Variants in EML4 observed in about 807,000 individuals in gnomAD.
EML4 encodes the protein echinoderm microtubule-associated protein-like 4.
EML4 carries 72 observed loss-of-function variants against 129.0 expected under a neutral mutation model. That is an observed-to-expected ratio of 0.56 (90% CI 0.46 to 0.68). The LOEUF (loss-of-function observed/expected upper bound fraction) is 0.68. Among genes scored for constraint, EML4 ranks in the 30% least tolerant of loss-of-function variants. EML4 has a pLI of 0.00. For synonymous variants in EML4, 532 were observed against 405.0 expected, an observed-to-expected ratio of 1.31 and a Z score of -3.77; for missense variants, 1,363 against 1,190.6, an observed-to-expected ratio of 1.14 and a Z score of -2.13.
At chr2:42,205,030 A>G (rs146647610) in intron 1 of EML4, among the ~76,000 whole-genome samples, 180 of 152,308 alleles carry the variant, frequency 1.2e-3, no homozygotes, top group Non-Finnish European at 1.4e-3. Flanking sequence ...ATTTTGTTCT[A>G]TAATCATCCA....
chr2:42,220,785 G>A (rs76916159), intron 1 of EML4, among the ~76,000 whole-genome samples: 6,073 of 152,268 alleles, frequency 0.04, 195 homozygotes, highest in Non-Finnish European at 0.061. Context: ...TTTCTGAAGA[G>A]TGCTACTCCA....
intron 1 of EML4, among the ~76,000 whole-genome samples, chr2:42,241,827 T>C (rs1428413550): frequency 6.7e-6 from 1 of 150,032 alleles, no homozygotes; most frequent in Non-Finnish European, 1.5e-5. Context: ...TAGTTTGAGC[T>C]ATTTCCTCCA....
At chr2:42,286,416 CA>C in intron 10 of EML4, 37 bp downstream of exon 10, 1 of 1,256,270 alleles carries the variant, frequency 8.0e-7, no homozygotes, top group East Asian at 2.3e-5. Flanking sequence ...GCAAGCTGAA[CA>C]AAAAAGCAGG....
rs148867467 is a variant in EML4 at position 42,252,572 on chromosome 2, C to G, written c.209-3929C>G. 7.0e-4 allele frequency among the ~76,000 whole-genome samples: 106 copies of G among 152,300 alleles called. 1 individual carries two copies. Among genetic ancestry groups the G allele is most frequent in the South Asian group, 5.4e-3 (26 of 4,826 alleles). ...TAAAGTCTGCATCATCTGAATGCTA[C>G]TTAACTCCTCTCTGTGAACTATCCC... On this transcript the variant is annotated intron_variant, in intron 2 of 22. Coordinates refer to ENST00000318522, the MANE Select transcript of EML4 (RefSeq NM_019063.5).
intron 13 of EML4, among the ~76,000 whole-genome samples, chr2:42,299,970 G>T (rs1448691561): frequency 1.3e-5 from 2 of 152,224 alleles, no homozygotes; most frequent in African/African-American, 4.8e-5. Context: ...ACAGGTGTGA[G>T]CCACAGTGCC....
At position 42,257,174 on chromosome 2, in the gene EML4, A is replaced by G. The variant is rs116651285; in HGVS notation, c.338+544A>G. ...GCAGGAGGGCTGTGGAATTACAGCA[A>G]TATAAGTTTCAGTGGATTACAGATT... On this transcript the variant is annotated intron_variant, in intron 3 of 22. Transcript: ENST00000318522. 8.6e-3 allele frequency among the ~76,000 whole-genome samples: 1,313 copies of G among 152,140 alleles called. 18 individuals are homozygous for G. Among genetic ancestry groups the G allele is most frequent in the African/African-American group, 0.03 (1,248 of 41,496 alleles).
At chr2:42,273,395 G>T (rs1217131860) in intron 6 of EML4, among the ~76,000 whole-genome samples, 1 of 152,130 alleles carries the variant, frequency 6.6e-6, no homozygotes, top group Non-Finnish European at 1.5e-5. Flanking sequence ...ATATTTTCAA[G>T]TAATTTTATG....
chr2:42,234,927 C>T (rs1455107822), intron 1 of EML4, among the ~76,000 whole-genome samples: 1 of 152,044 alleles, frequency 6.6e-6, no homozygotes, highest in Admixed American at 6.6e-5. Flanking sequence ...GAGGCCAAGG[C>T]GGGTGGATCA....
chr2:42,306,745 C>T (rs924140898), intron 17 of EML4, among the ~76,000 whole-genome samples: 12 of 151,726 alleles, frequency 7.9e-5, no homozygotes, highest in East Asian at 3.9e-4. Flanking sequence ...GTGATCCTCC[C>T]GCCTCGGCCT....
chr2:42,281,132 G>T (rs576136673), intron 7 of EML4, among the ~76,000 whole-genome samples, 159 bp downstream of exon 7: 75 of 152,086 alleles, frequency 4.9e-4, no homozygotes, highest in African/African-American at 1.7e-3. Flanking sequence ...GGTGGTTCAC[G>T]CTGGTAATCC....
chr2:42,236,301 T>C (rs899051255), intron 1 of EML4, among the ~76,000 whole-genome samples: 1 of 152,250 alleles, frequency 6.6e-6, no homozygotes, highest in African/African-American at 2.4e-5. Flanking sequence ...GTTGTTAATA[T>C]CACAATTTAC....
At chr2:42,175,144 G>A (rs1212724503) in intron 1 of EML4, among the ~76,000 whole-genome samples, 1 of 150,456 alleles carries the variant, frequency 6.6e-6, no homozygotes, top group African/African-American at 2.4e-5. Flanking sequence ...ACGGAGTCTT[G>A]CTCTATTGCC....
chr2:42,182,947 G>A (rs1671033284), intron 1 of EML4, among the ~76,000 whole-genome samples: 1 of 152,038 alleles, frequency 6.6e-6, no homozygotes, highest in South Asian at 2.1e-4. Context: ...AAGGATACCA[G>A]TTGTATTGGA....
intron 21 of EML4, among the ~76,000 whole-genome samples, chr2:42,327,623 T>C (rs1669878146): frequency 6.6e-6 from 1 of 152,240 alleles, no homozygotes. Flanking sequence ...TCTGACGTTT[T>C]GTAACTTTCT....
intron 1 of EML4, among the ~76,000 whole-genome samples, chr2:42,183,957 A>G (rs1315681336): frequency 1.3e-5 from 2 of 152,024 alleles, no homozygotes; most frequent in Non-Finnish European, 1.5e-5. Flanking sequence ...GGATGAGGTC[A>G]CCTCTTTGAC....
At chr2:42,285,743 C>T (rs952739817) in intron 9 of EML4, among the ~76,000 whole-genome samples, 1 of 151,870 alleles carries the variant, frequency 6.6e-6, no homozygotes, top group African/African-American at 2.4e-5. Context: ...TGACTACAGG[C>T]GCGTACTACC....
chr2:42,251,945 C>T (rs184990894), intron 2 of EML4, among the ~76,000 whole-genome samples: 2 of 152,100 alleles, frequency 1.3e-5, no homozygotes, highest in African/African-American at 4.8e-5. Context: ...CATAGTCATC[C>T]CAAGGCTAGC....
chr2:42,295,021 T>C, intron 11 of EML4, 104 bp from the exon 12 acceptor site: 1 of 1,061,112 alleles, frequency 9.4e-7, no homozygotes, highest in Non-Finnish European at 1.3e-6. Flanking sequence ...AGGCATTTTC[T>C]CAAAATCTTG....
intron 2 of EML4, among the ~76,000 whole-genome samples, chr2:42,251,934 A>C (rs903905366): frequency 1.1e-4 from 17 of 152,254 alleles, no homozygotes; most frequent in African/African-American, 3.4e-4. Flanking sequence ...ACAGTCACTA[A>C]CATAGTCATC....
Sources: allele counts gnomAD v4.1 joint callset (sites outside exome capture counted in the v4.1 genomes callset), GRCh38; gene constraint gnomAD v4.1.1; transcripts MANE v1.5; gene names NCBI Gene and HGNC (gene_info 2026-07-23, HGNC 2026-07-21).